The following CD2AP variants were observed in gnomAD, a reference collection of about 807,000 sequenced individuals.
CD2AP encodes the protein CD2-associated protein.
In CD2AP, 46 loss-of-function variants were observed where a neutral mutation model predicts 85.1. That is an observed-to-expected ratio of 0.54 (90% confidence interval 0.43 to 0.69). CD2AP has a LOEUF of 0.69. CD2AP is among the 30% of genes least tolerant of loss of function. CD2AP has a pLI of 0.00. For synonymous variants in CD2AP, 255 were observed against 252.9 expected (o/e 1.01, Z -0.08); for missense variants, 769 against 729.5 (o/e 1.05, Z -0.62).
intron 14 of CD2AP, among the ~76,000 whole-genome samples, 178 bp downstream of exon 14, chr6:47,606,455 G>A (rs1371527721): frequency 6.6e-6 from 1 of 151,912 alleles, no homozygotes; most frequent in Non-Finnish European, 1.5e-5. Context: ...ATTCCAACAG[G>A]GTCTGGAATG....
intron 1 of CD2AP, among the ~76,000 whole-genome samples, chr6:47,498,977 C>T (rs149371059): frequency 5.3e-5 from 8 of 152,168 alleles, no homozygotes; most frequent in Admixed American, 2.0e-4. Context: ...TTATTTTATT[C>T]GATGGGGTAT....
At chr6:47,585,935 C>A (rs1455870861) in intron 11 of CD2AP, among the ~76,000 whole-genome samples, 1 of 152,074 alleles carries the variant, frequency 6.6e-6, no homozygotes, top group Admixed American at 6.5e-5. Context: ...CCAACAAATT[C>A]CAGAATAAAA....
rs115286493 is a variant in CD2AP, at chr6:47,482,191, T to G, written c.4+3943T>G. ...AAAAACAATATTAGGAAATTTTTGT[T>G]TCAAAGTTGAATCACTGGCAAAAGT... On this transcript the variant is annotated intron_variant, in intron 1 of 17. Coordinates refer to ENST00000359314, the MANE Select transcript of CD2AP (RefSeq NM_012120.3). Among the ~76,000 whole-genome samples, 546 of 152,328 alleles carry G rather than the reference T, an allele frequency of 3.6e-3. 2 individuals are homozygous for G. The highest frequency in any genetic ancestry group is 0.012 in the African/African-American group (517 of 41,578).
At chr6:47,578,752 G>A (rs1358214590) in intron 8 of CD2AP, among the ~76,000 whole-genome samples, 1 of 151,350 alleles carries the variant, frequency 6.6e-6, no homozygotes, top group African/African-American at 2.4e-5. Flanking sequence ...TGCCTCCCGA[G>A]TTCAAGCAAT....
intron 16 of CD2AP, among the ~76,000 whole-genome samples, 154 bp from the exon 17 acceptor site, chr6:47,612,319 T>C (rs1769468305): frequency 6.6e-6 from 1 of 152,172 alleles, no homozygotes; most frequent in Admixed American, 6.6e-5. Flanking sequence ...CCATTCTAAC[T>C]AGAGAATCTT....
At chr6:47,533,576 C>T (rs781051303) in intron 2 of CD2AP, 26 bp from the exon 3 acceptor site, 98 of 1,608,312 alleles carry the variant, frequency 6.1e-5, no homozygotes, top group Non-Finnish European at 7.2e-5. Flanking sequence ...CTTAACTTGC[C>T]TCTTTATTTA....
At chr6:47,525,973 C>T (rs190862649) in intron 2 of CD2AP, among the ~76,000 whole-genome samples, 52 of 152,200 alleles carry the variant, frequency 3.4e-4, no homozygotes, top group African/African-American at 1.2e-3. Flanking sequence ...TTTTTTACTA[C>T]ATCTCCTGAA....
intron 17 of CD2AP, among the ~76,000 whole-genome samples, chr6:47,616,708 TTGTGAAA>T (rs1769597331): frequency 6.6e-6 from 1 of 152,172 alleles, no homozygotes; most frequent in Non-Finnish European, 1.5e-5. Flanking sequence ...TGAGGTTCAT[TTGTGAAA>T]TATGAAAACA....
At chr6:47,607,860 C>A in intron 14 of CD2AP, 67 bp from the exon 15 acceptor site, 1 of 1,051,936 alleles carries the variant, frequency 9.5e-7, no homozygotes, top group Non-Finnish European at 1.4e-6. Flanking sequence ...GCTTTATTAT[C>A]CAAAGACTTA....
intron 5 of CD2AP, among the ~76,000 whole-genome samples, chr6:47,571,389 G>A (rs9367287): frequency 0.6 from 91,797 of 151,904 alleles, 28,547 homozygotes; most frequent in Middle Eastern, 0.75. Flanking sequence ...AAAGGGGAAA[G>A]AACAAGGGGA....
At chr6:47,535,853 CTT>C (rs1321372678) in intron 3 of CD2AP, among the ~76,000 whole-genome samples, 3 of 152,196 alleles carry the variant, frequency 2.0e-5, no homozygotes, top group Non-Finnish European at 4.4e-5. Context: ...CCATTTACAA[CTT>C]TCTTTCACTC....
intron 4 of CD2AP, among the ~76,000 whole-genome samples, chr6:47,550,175 A>G (rs994478945): frequency 1.3e-5 from 2 of 152,220 alleles, no homozygotes; most frequent in Admixed American, 1.3e-4. Context: ...CCAAGAACCC[A>G]AAAGCAAATG....
At chr6:47,562,338 A>C (rs1351516039) in intron 5 of CD2AP, among the ~76,000 whole-genome samples, 2 of 152,232 alleles carry the variant, frequency 1.3e-5, no homozygotes, top group Admixed American at 6.5e-5. Flanking sequence ...AAAAAATGTT[A>C]CTTTACATAG....
chr6:47,540,198 AAAG>A (rs891852919), intron 3 of CD2AP, among the ~76,000 whole-genome samples: 12 of 151,614 alleles, frequency 7.9e-5, no homozygotes, highest in Admixed American at 4.6e-4. Context: ...AAAAAAGAAA[AAAG>A]AAAAAATACT....
chr6:47,508,354 C>T (rs1766229564), intron 2 of CD2AP, among the ~76,000 whole-genome samples: 1 of 152,178 alleles, frequency 6.6e-6, no homozygotes, highest in Non-Finnish European at 1.5e-5. Flanking sequence ...ATAGAAATGG[C>T]TTCTTTCCTT....
chr6:47,575,285 C>A (rs1768275413), intron 6 of CD2AP, among the ~76,000 whole-genome samples: 1 of 152,152 alleles, frequency 6.6e-6, no homozygotes, highest in African/African-American at 2.4e-5. Context: ...ACAAGCAATT[C>A]TTGGCATTGT....
chr6:47,545,128 T>G (rs1767330708), intron 4 of CD2AP: 1 of 176,146 alleles, frequency 5.7e-6, no homozygotes, highest in African/African-American at 2.4e-5. Flanking sequence ...AATGGGATTT[T>G]AAAATATTTT....
At chr6:47,624,012 C>G (rs1050397032) in intron 17 of CD2AP, among the ~76,000 whole-genome samples, 174 bp from the exon 18 acceptor site, 3 of 152,020 alleles carry the variant, frequency 2.0e-5, no homozygotes, top group African/African-American at 2.4e-5. Flanking sequence ...TAGGAACTTG[C>G]ATTGTACTGT....
At chr6:47,485,838 G>A (rs538892946) in intron 1 of CD2AP, among the ~76,000 whole-genome samples, 2 of 152,236 alleles carry the variant, frequency 1.3e-5, no homozygotes, top group East Asian at 3.9e-4. Context: ...ACAGTATTGA[G>A]TACAATAGCA....
Sources: gnomAD v4.1 joint callset for allele counts (sites outside exome capture counted in the v4.1 genomes callset) on GRCh38, gnomAD v4.1.1 for gene constraint, MANE v1.5 for transcripts, NCBI Gene and HGNC (gene_info 2026-07-23, HGNC 2026-07-21) for gene names.